The following HERC2 variants were observed in gnomAD, a reference collection of about 807,000 sequenced individuals.
HERC2 encodes the protein E3 ubiquitin-protein ligase HERC2.
HERC2 carries 102 observed loss-of-function variants against 537.7 expected under a neutral mutation model. That is an observed-to-expected ratio of 0.19 (90% CI 0.16 to 0.22). HERC2 has a LOEUF of 0.22. Among genes scored for constraint, HERC2 ranks in the 10% least tolerant of loss-of-function variants. The pLI is 1.00. For synonymous variants in HERC2, 2,224 were observed against 2,466.2 expected (o/e 0.90, Z 2.91); for missense variants, 4,236 against 6,198.2 (o/e 0.68, Z 10.63).
At chr15:28,202,801 C>T (rs1898043438) in intron 45 of HERC2, 187 bp from the exon 46 acceptor site, 4 of 182,408 alleles carry the variant, frequency 2.2e-5, no homozygotes, top group Admixed American at 1.5e-4. Flanking sequence ...CCAAGTTTCA[C>T]GGTTTAATGC....
At chr15:28,118,702 G>A (rs1414619395) in intron 86 of HERC2, among the ~76,000 whole-genome samples, 1 of 152,206 alleles carries the variant, frequency 6.6e-6, no homozygotes, top group Non-Finnish European at 1.5e-5. Flanking sequence ...CCATGGGGTG[G>A]CGGGTTGGAG....
chr15:28,254,286 C>A (rs2075181863), intron 20 of HERC2, 54 bp downstream of exon 20: 2 of 1,326,098 alleles, frequency 1.5e-6, no homozygotes, highest in Admixed American at 4.8e-5. Flanking sequence ...CTGTCACACA[C>A]ACAAAAAAAA....
chr15:28,317,258 T>C (rs1363941872), intron 2 of HERC2, among the ~76,000 whole-genome samples: 1 of 152,074 alleles, frequency 6.6e-6, no homozygotes, highest in African/African-American at 2.4e-5. Context: ...GCCTGACTCT[T>C]TTGTATTTTT....
At chr15:28,166,367 G>A (rs1037134578) in intron 68 of HERC2, among the ~76,000 whole-genome samples, 1 of 152,162 alleles carries the variant, frequency 6.6e-6, no homozygotes, top group African/African-American at 2.4e-5. Context: ...GTACTGGATT[G>A]GAATTAAAAG....
rs184578708 is a variant in HERC2, at chr15:28,160,704, G to A, written c.10746+2390C>T. Among the ~76,000 whole-genome samples the A allele has an allele frequency of 1.3e-5, 2 of 152,344 alleles. 1 individual carries two copies. Among genetic ancestry groups the A allele is most frequent in the Admixed American group, 1.3e-4 (2 of 15,300 alleles). On this transcript the variant is annotated intron_variant, in intron 69 of 92. Transcript: ENST00000261609. ...CCCAGGTGAGGCGATGCCTCGCCCTGCTTCAGCTCATGCTCGGTGCACTGC... is the reference window on the plus strand; with the variant it reads ...CCCAGGTGAGGCGATGCCTCGCCCTACTTCAGCTCATGCTCGGTGCACTGC...
intron 8 of HERC2, 135 bp from the exon 9 acceptor site, chr15:28,272,521 G>A (rs1478358869): frequency 5.7e-5 from 46 of 813,926 alleles, no homozygotes; most frequent in Non-Finnish European, 7.4e-5. Context: ...AACTAAAGCC[G>A]TGGTAATTAA....
intron 65 of HERC2, 27 bp downstream of exon 65, chr15:28,174,368 C>T: frequency 1.3e-6 from 2 of 1,546,232 alleles, no homozygotes; most frequent in Non-Finnish European, 1.8e-6. Flanking sequence ...ACAGAAAAAT[C>T]TCAGAGAAGA....
At chr15:28,224,731 TCTCTTAGA>T (rs1900931425) in intron 35 of HERC2, among the ~76,000 whole-genome samples, 1 of 151,984 alleles carries the variant, frequency 6.6e-6, no homozygotes, top group Non-Finnish European at 1.5e-5. Context: ...CACAGAACAC[TCTCTTAGA>T]CTGACCAGAC....
intron 52 of HERC2, among the ~76,000 whole-genome samples, chr15:28,194,439 G>A (rs8036249): frequency 0.13 from 18,983 of 150,994 alleles, 3,996 homozygotes; most frequent in African/African-American, 0.44. Flanking sequence ...GCGTGGTGGC[G>A]GGCGCCTGTA....
At chr15:28,279,815 C>CA (rs563938019) in intron 5 of HERC2, among the ~76,000 whole-genome samples, 3 of 150,290 alleles carry the variant, frequency 2.0e-5, no homozygotes, top group East Asian at 1.9e-4. Context: ...ATTGTCTCTC[C>CA]AAAAAAAAGA....
chr15:28,127,174 G>A (rs1335011187), intron 83 of HERC2, among the ~76,000 whole-genome samples: 1 of 152,228 alleles, frequency 6.6e-6, no homozygotes, highest in African/African-American at 2.4e-5. Context: ...CTCTCCACAC[G>A]TTGGTCCTAA....
chr15:28,213,825 G>A lies in HERC2; in HGVS notation c.6703C>T (p.Arg2235Cys), dbSNP rs751884727. 40 of 1,613,880 alleles carry A rather than the reference G, an allele frequency of 2.5e-5. No homozygotes were observed. In the Admixed American group the frequency reaches 3.7e-4, roughly 15 times the overall value. The change falls in exon 42 of 93, where the codon CGC becomes TGC. Residue 2235 changes from arginine (R) to cysteine (C), a missense_variant. Arg to Cys is a radical substitution (Grantham distance 180). This residue lies in a region of HERC2 where 365 missense variants were observed against 468.8 expected (regional missense o/e 0.78). Coordinates refer to ENST00000261609, the MANE Select transcript of HERC2 (RefSeq NM_004667.6). ...HDEFGEGTVT[R>C]ITPKGKITVQ... ...GTGATTTTGCCCTTTGGGGTGATGC[G>A]AGTCACAGTGCCTTCTCCAAACTCA...
intron 4 of HERC2, among the ~76,000 whole-genome samples, chr15:28,290,449 C>T (rs1488971419): frequency 6.6e-6 from 1 of 152,234 alleles, no homozygotes; most frequent in Non-Finnish European, 1.5e-5. Flanking sequence ...AGGCTGGTCT[C>T]AAACTCCTGA....
In HERC2 at chr15:28,177,522, C is replaced by T. The variant is rs763120060; in HGVS notation, c.9164-13G>A. ...GCGTGCCGGCCACCTGCAACATTCA[C>T]AGACACACGGATTGCCAAAGGGCAG... On this transcript the variant is annotated splice_polypyrimidine_tract_variant and intron_variant, in intron 59 of 92. Coordinates refer to ENST00000261609, the MANE Select transcript of HERC2 (RefSeq NM_004667.6). This position sits in a 1 kb window ranked among gnomAD's most constrained non-coding sequence, Gnocchi z 5.0. The T allele has an allele frequency of 4.1e-5, 66 of 1,613,672 alleles. No homozygotes were observed. Among genetic ancestry groups the T allele is most frequent in the Non-Finnish European group, 5.5e-5 (65 of 1,179,692 alleles).
intron 68 of HERC2, 23 bp from the exon 69 acceptor site, chr15:28,163,308 AT>A: frequency 6.2e-7 from 1 of 1,602,558 alleles, no homozygotes; most frequent in Non-Finnish European, 8.5e-7. Flanking sequence ...ACATCCAACA[AT>A]TAACATGAGG....
At position 28,176,733 on chromosome 15, in the gene HERC2, A is replaced by G; in HGVS notation, c.9468T>C (p.Val3156=). ...KVLLGHRVIQ[V]ACGSRDAQTL... ...TCTGCGCGTCTCTACTCCCACATGC[A>G]ACCTGGATTACTCTGTGACCGAGAA... Residue 3156 remains valine (V), a synonymous_variant, in exon 62 of 93, where the codon GTT becomes GTC. Coordinates refer to ENST00000261609, the MANE Select transcript of HERC2 (RefSeq NM_004667.6). The surrounding 1 kb of genome is among the most constrained non-coding windows in gnomAD (Gnocchi z 5.0). 1 of 1,614,104 alleles carries G rather than the reference A, an allele frequency of 6.2e-7. No homozygotes were observed. Among genetic ancestry groups the G allele is most frequent in the Admixed American group, 1.7e-5 (1 of 60,018 alleles).
chr15:28,280,676 A>T (rs2075998895), intron 4 of HERC2, among the ~76,000 whole-genome samples: 2 of 152,122 alleles, frequency 1.3e-5, no homozygotes, highest in African/African-American at 4.8e-5. Flanking sequence ...AGGCCAAGGC[A>T]GGTGGATCAC....
At chr15:28,241,338 C>T (rs1903094053) in intron 23 of HERC2, among the ~76,000 whole-genome samples, 2 of 152,054 alleles carry the variant, frequency 1.3e-5, no homozygotes, top group Admixed American at 1.3e-4. Context: ...CACTTCACAC[C>T]CATTGATGGC....
chr15:28,316,809 G>T (rs1027004913), intron 2 of HERC2, among the ~76,000 whole-genome samples: 1 of 151,912 alleles, frequency 6.6e-6, no homozygotes, highest in Admixed American at 6.6e-5. Context: ...ACGGATTCTC[G>T]CTCTCTCACC....
Sources: allele counts gnomAD v4.1 joint callset (sites outside exome capture counted in the v4.1 genomes callset), GRCh38; gene constraint gnomAD v4.1.1; regional missense constraint gnomAD v4.1.1; non-coding constraint Gnocchi (gnomAD v3.1); transcripts MANE v1.5; gene names NCBI Gene and HGNC (gene_info 2026-07-23, HGNC 2026-07-21).